LRRTM4: variants seen among roughly 807,000 people sequenced by gnomAD.
LRRTM4 encodes the protein leucine rich repeat transmembrane neuronal 4.
LRRTM4 carries 25 observed loss-of-function variants against 47.6 expected under a neutral mutation model. The ratio of observed to expected loss-of-function variants is 0.53; its 90% CI spans 0.38 to 0.73. The LOEUF (loss-of-function observed/expected upper bound fraction) is 0.73, where lower values mean the gene tolerates loss of function less well. LRRTM4 is among the 30% of genes least tolerant of loss of function. The pLI is 0.00. For missense variants in LRRTM4, 638 were observed against 713.4 expected, an observed-to-expected ratio of 0.89 and a Z score of 1.20; for synonymous variants, 311 against 269.5, an observed-to-expected ratio of 1.15 and a Z score of -1.51.
chr2:76,991,175 T>C (rs956305473), intron 3 of LRRTM4, among the ~76,000 whole-genome samples: 1 of 151,728 alleles, frequency 6.6e-6, no homozygotes, highest in Non-Finnish European at 1.5e-5. Context: ...TAGTCATAGA[T>C]GCCTACATCA....
At chr2:77,442,553 A>G (rs1675885481) in intron 3 of LRRTM4, among the ~76,000 whole-genome samples, 1 of 152,220 alleles carries the variant, frequency 6.6e-6, no homozygotes. Flanking sequence ...TCAAAGCTGC[A>G]TGTGTAGCAA....
intron 3 of LRRTM4, among the ~76,000 whole-genome samples, chr2:77,330,183 C>CT (rs1670917567): frequency 6.6e-6 from 1 of 152,048 alleles, no homozygotes; most frequent in South Asian, 2.1e-4. Flanking sequence ...GAGGAGTAAT[C>CT]TGGGGGGGCA....
chr2:77,474,832 G>A (rs1371449157), intron 3 of LRRTM4, among the ~76,000 whole-genome samples: 2 of 151,994 alleles, frequency 1.3e-5, no homozygotes, highest in Non-Finnish European at 2.9e-5. Context: ...AAATAATAAA[G>A]GGTAAATATG....
intron 3 of LRRTM4, among the ~76,000 whole-genome samples, chr2:77,077,926 T>C (rs1479655365): frequency 2.0e-5 from 3 of 152,134 alleles, no homozygotes; most frequent in South Asian, 2.1e-4. Context: ...AAAGGGAGCA[T>C]TGCATTTTTA....
At chr2:77,209,261 G>A (rs991216725) in intron 3 of LRRTM4, among the ~76,000 whole-genome samples, 4 of 151,924 alleles carry the variant, frequency 2.6e-5, no homozygotes, top group Non-Finnish European at 5.9e-5. Flanking sequence ...CTAATGCTAG[G>A]GCTCCATGCC....
At chr2:77,473,963 TTTAC>T (rs1162669042) in intron 3 of LRRTM4, among the ~76,000 whole-genome samples, 1 of 152,130 alleles carries the variant, frequency 6.6e-6, no homozygotes, top group Non-Finnish European at 1.5e-5. Flanking sequence ...TCTTTGTCAC[TTTAC>T]TTACTTAGAA....
At chr2:76,873,251 G>A (rs978681330) in intron 3 of LRRTM4, among the ~76,000 whole-genome samples, 1 of 151,836 alleles carries the variant, frequency 6.6e-6, no homozygotes, top group Non-Finnish European at 1.5e-5. Flanking sequence ...AAATTTTAAA[G>A]ACAAGAGGAA....
At chr2:77,012,272 CATTATT>C (rs527721516) in intron 3 of LRRTM4, among the ~76,000 whole-genome samples, 3 of 151,992 alleles carry the variant, frequency 2.0e-5, no homozygotes, top group African/African-American at 7.2e-5. Flanking sequence ...TTTCAAATAA[CATTATT>C]ATTTCCAAGA....
At chr2:77,379,902 G>T (rs964540846) in intron 3 of LRRTM4, among the ~76,000 whole-genome samples, 1 of 151,894 alleles carries the variant, frequency 6.6e-6, no homozygotes, top group African/African-American at 2.4e-5. Context: ...ATCTCAGGTT[G>T]TTTTTAAAAG....
intron 3 of LRRTM4, among the ~76,000 whole-genome samples, chr2:77,389,670 A>G (rs1287041747): frequency 2.6e-5 from 4 of 152,100 alleles, no homozygotes; most frequent in Non-Finnish European, 4.4e-5. Flanking sequence ...TCTACTATCA[A>G]GAAGAGCTTA....
At chr2:76,801,090 T>C (rs751811355) in intron 3 of LRRTM4, among the ~76,000 whole-genome samples, 7 of 151,764 alleles carry the variant, frequency 4.6e-5, no homozygotes, top group Non-Finnish European at 8.8e-5. Flanking sequence ...TCGACCATTG[T>C]GGAAGTCGGT....
In LRRTM4 at chr2:77,023,178, G is replaced by T. The variant is rs892450484; in HGVS notation, c.1552-274262C>A. Among the ~76,000 whole-genome samples the T allele has an allele frequency of 2.6e-5, 4 of 152,340 alleles. No individual in the cohort carries two copies. The South Asian group carries it at 8.3e-4, about 32-fold the overall frequency. On this transcript the variant is annotated intron_variant, in intron 3 of 3. Transcript: ENST00000409884. ...TTTGAAGCCACAGCCCAAGCTCTAT[G>T]TTGGCCCCTTTCAGCCAAGGCTGGA...
chr2:76,767,934 G>A lies in LRRTM4; in HGVS notation c.1552-19018C>T, dbSNP rs138089200. ...TAAAATATTAATTAAGCCTATTCCT[G>A]GGATTTAATGAAATGTTAGGCATAA... is the stretch of plus-strand genomic sequence containing the variant. On this transcript the variant is annotated intron_variant, in intron 3 of 3. Transcript: ENST00000409884. Among the ~76,000 whole-genome samples the A allele has an allele frequency of 4.1e-3, 619 of 152,136 alleles. 9 individuals carry two copies. In the South Asian group the frequency reaches 0.047, roughly 12 times the overall value.
intron 3 of LRRTM4, among the ~76,000 whole-genome samples, chr2:77,112,252 G>C: frequency 6.6e-6 from 1 of 152,142 alleles, no homozygotes; most frequent in East Asian, 1.9e-4. Context: ...GACTACCACT[G>C]TTTACTTCTA....
rs1363681764 is a variant in LRRTM4, at chr2:77,307,596, TA to T, written c.1551+210721del. 2.4e-3 allele frequency among the ~76,000 whole-genome samples: 264 copies of T among 111,410 alleles called. 2 individuals carry two copies. Among genetic ancestry groups the T allele is most frequent in the African/African-American group, 9.5e-3 (254 of 26,838 alleles). 73.1% of individuals were successfully genotyped at this position (111,410 alleles called of 152,430 possible). ...GATATATCTATATATTATAGAAATA[TA>T]AATATATAGATATATCTATATATTA... On this transcript the variant is annotated intron_variant, in intron 3 of 3. Coordinates refer to ENST00000409884, the MANE Select transcript of LRRTM4 (RefSeq NM_001134745.3).
chr2:76,947,475 GCT>G (rs1558756080), intron 3 of LRRTM4, among the ~76,000 whole-genome samples: 1 of 151,710 alleles, frequency 6.6e-6, no homozygotes, highest in East Asian at 1.9e-4. Flanking sequence ...GTTCTGTGAA[GCT>G]CTGTTTTATT....
rs572841709 is a variant in LRRTM4 at position 77,483,397 on chromosome 2, A to G, written c.1551+34921T>C. Among the ~76,000 whole-genome samples the G allele has an allele frequency of 6.6e-4, 101 of 152,002 alleles. 2 individuals carry two copies. In the South Asian group the frequency reaches 0.021, roughly 31 times the overall value. On this transcript the variant is annotated intron_variant, in intron 3 of 3. Transcript: ENST00000409884. ...TCTCTGTAGCCCATGCTGGAGTGCA[A>G]TGGTATGATCTCTGCTCACTGCAAC...
At chr2:76,894,923 T>G (rs1673364412) in intron 3 of LRRTM4, among the ~76,000 whole-genome samples, 1 of 150,314 alleles carries the variant, frequency 6.7e-6, no homozygotes, top group Admixed American at 6.6e-5. Context: ...TACAACTCAT[T>G]AATAATTTAT....
chr2:76,951,939 T>C (rs533203968), intron 3 of LRRTM4, among the ~76,000 whole-genome samples: 1 of 152,042 alleles, frequency 6.6e-6, no homozygotes, highest in South Asian at 2.1e-4. Context: ...GCTTCATTCA[T>C]GTCCTTGCAA....
Sources: gnomAD v4.1 joint callset for allele counts (sites outside exome capture counted in the v4.1 genomes callset) on GRCh38, gnomAD v4.1.1 for gene constraint, MANE v1.5 for transcripts, NCBI Gene and HGNC (gene_info 2026-07-23, HGNC 2026-07-21) for gene names.